ELF1: variants seen among roughly 807,000 people sequenced by gnomAD.
The protein encoded by ELF1 is ETS-related transcription factor Elf-1.
In ELF1, 24 loss-of-function variants were observed where a neutral mutation model predicts 59.9. The observed-to-expected ratio is 0.40, with a 90% confidence interval of 0.29 to 0.56. The LOEUF is 0.56. ELF1 is among the 20% of genes least tolerant of loss of function. The pLI is 0.44. For missense variants in ELF1, 627 were observed against 742.2 expected (o/e 0.84, Z 1.80); for synonymous variants, 248 against 266.2 (o/e 0.93, Z 0.67).
intron 5 of ELF1, among the ~76,000 whole-genome samples, chr13:40,947,950 G>C (rs1870606182): frequency 6.6e-6 from 1 of 152,132 alleles, no homozygotes; most frequent in South Asian, 2.1e-4. Context: ...GACTAGGTGG[G>C]AACTTCCTCT....
chr13:40,944,041 G>A, intron 5 of ELF1, 116 bp from the exon 6 acceptor site: 1 of 894,630 alleles, frequency 1.1e-6, no homozygotes, highest in East Asian at 2.6e-5. Context: ...TTATACATGG[G>A]TCACATATAC....
chr13:40,982,118 A>G lies in ELF1; in HGVS notation c.-64T>C, dbSNP rs1763830493. 1 of 1,581,666 alleles carries G rather than the reference A, an allele frequency of 6.3e-7. No individual in the cohort carries two copies. The highest frequency in any genetic ancestry group is 8.6e-7 in the Non-Finnish European group (1 of 1,165,020). ...CAAGAAGATTCACGTATCAGGCAGC[A>G]AAATCCAGTGACTGATTTGGGTAAA... On this transcript the variant is annotated 5_prime_UTR_variant, in exon 2 of 9. Transcript: ENST00000239882.
At chr13:40,988,483 C>T (rs118057501) in intron 1 of ELF1, among the ~76,000 whole-genome samples, 194 of 152,284 alleles carry the variant, frequency 1.3e-3, no homozygotes, top group Non-Finnish European at 2.4e-3. Flanking sequence ...CCTTACCATA[C>T]CCCAGTACAA....
intron 1 of ELF1, among the ~76,000 whole-genome samples, chr13:40,995,409 T>A (rs1445533818): frequency 6.6e-6 from 1 of 152,198 alleles, no homozygotes; most frequent in African/African-American, 2.4e-5. Context: ...TAAGACAGGA[T>A]GTCTGAATAC....
chr13:40,988,105 C>T (rs886326639), intron 1 of ELF1, among the ~76,000 whole-genome samples: 16 of 152,164 alleles, frequency 1.1e-4, no homozygotes, highest in African/African-American at 3.9e-4. Context: ...TCTATTATAA[C>T]ATGGTAGAAG....
At chr13:40,992,790 G>C (rs1873928838) in intron 1 of ELF1, 1 of 368,166 alleles carries the variant, frequency 2.7e-6, no homozygotes, top group Non-Finnish European at 4.9e-6. Flanking sequence ...CTTGGGGCTG[G>C]AGAGAACTAT....
In ELF1 at chr13:40,933,849, A is replaced by C. The variant is rs1367613551; in HGVS notation, c.1436T>G (p.Val479Gly). Residue 479 changes from valine to glycine, a missense_variant, in exon 9 of 9, where the codon GTA (valine) becomes GGA (glycine). Val to Gly is a moderately radical substitution (Grantham distance 109). Coordinates refer to ENST00000239882, the MANE Select transcript of ELF1 (RefSeq NM_172373.4). ...QAIPSSQPMT[V>G]LKENVMLQSQ... ...CTGCAGCATGACATTTTCTTTCAGT[A>C]CTGTCATGGGCTGTGATGATGGAAT... The C allele has an allele frequency of 6.2e-7, 1 of 1,614,258 alleles. No individual in the cohort carries two copies.
At chr13:40,953,211 G>A (rs573696970) in intron 3 of ELF1, among the ~76,000 whole-genome samples, 26 of 152,132 alleles carry the variant, frequency 1.7e-4, no homozygotes, top group African/African-American at 4.8e-4. Context: ...CCCGACCTCA[G>A]GTGATCTGCC....
At chr13:41,055,867 T>TC (rs1229351223) in intron 1 of ELF1, among the ~76,000 whole-genome samples, 4 of 151,932 alleles carry the variant, frequency 2.6e-5, no homozygotes, top group African/African-American at 7.2e-5. Context: ...TTTTTTTTTT[T>TC]CTTTGGTAGA....
intron 1 of ELF1, among the ~76,000 whole-genome samples, chr13:41,051,475 G>C (rs1877086487): frequency 6.6e-6 from 1 of 151,998 alleles, no homozygotes; most frequent in Non-Finnish European, 1.5e-5. Context: ...CGTTTGAACA[G>C]CTGAGGTAAA....
intron 7 of ELF1, 106 bp from the exon 8 acceptor site, chr13:40,941,476 T>A: frequency 2.9e-6 from 3 of 1,044,214 alleles, no homozygotes; most frequent in Non-Finnish European, 2.8e-6. Flanking sequence ...GGAATCAAAC[T>A]AATGAGAAAA....
intron 1 of ELF1, among the ~76,000 whole-genome samples, chr13:41,018,390 G>A (rs967340140): frequency 1.3e-5 from 2 of 152,108 alleles, no homozygotes; most frequent in Non-Finnish European, 2.9e-5. Context: ...TTTAAGAACA[G>A]TAATACAAAA....
intron 5 of ELF1, among the ~76,000 whole-genome samples, chr13:40,946,693 AAACAC>A (rs1870532559): frequency 6.6e-6 from 1 of 152,120 alleles, no homozygotes. Flanking sequence ...TAGCCAACAT[AAACAC>A]AACAAGCATG....
At chr13:40,968,472 A>G (rs1872321016) in intron 2 of ELF1, among the ~76,000 whole-genome samples, 1 of 152,220 alleles carries the variant, frequency 6.6e-6, no homozygotes, top group Non-Finnish European at 1.5e-5. Context: ...TCCTTTCCAT[A>G]TAGTGCCCCT....
intron 1 of ELF1, among the ~76,000 whole-genome samples, chr13:41,031,053 C>A (rs1158282881): frequency 2.6e-5 from 4 of 151,232 alleles, no homozygotes; most frequent in Non-Finnish European, 4.4e-5. Flanking sequence ...GTCCCAGCTA[C>A]TCAAGTGGCT....
chr13:41,018,239 T>C (rs1385875241), intron 1 of ELF1, among the ~76,000 whole-genome samples: 2 of 152,236 alleles, frequency 1.3e-5, no homozygotes, highest in Admixed American at 6.5e-5. Context: ...GCACTCATCT[T>C]TACAGAGCAC....
intron 2 of ELF1, among the ~76,000 whole-genome samples, chr13:40,977,233 T>A (rs902474648): frequency 6.6e-6 from 1 of 152,066 alleles, no homozygotes; most frequent in Non-Finnish European, 1.5e-5. Context: ...CTTCTTCTCA[T>A]ACATTCACCA....
At chr13:41,033,388 T>G (rs1593405108) in intron 1 of ELF1, among the ~76,000 whole-genome samples, 1 of 152,238 alleles carries the variant, frequency 6.6e-6, no homozygotes, top group African/African-American at 2.4e-5. Flanking sequence ...ACATAGTATG[T>G]TCTCAAATAC....
At chr13:41,020,081 T>G (rs570909804), upstream of ELF1, among the ~76,000 whole-genome samples, 2 of 152,304 alleles carry the variant, frequency 1.3e-5, no homozygotes, top group East Asian at 3.9e-4. Context: ...CAAGCAAAAT[T>G]TTCTACATGT....
Sources: allele counts gnomAD v4.1 joint callset (sites outside exome capture counted in the v4.1 genomes callset), GRCh38; gene constraint gnomAD v4.1.1; transcripts MANE v1.5; gene names NCBI Gene and HGNC (gene_info 2026-07-23, HGNC 2026-07-21).